Variants in DNM2 observed in about 807,000 individuals in gnomAD.
DNM2 encodes dynamin-2.
DNM2 carries 15 observed loss-of-function variants against 99.0 expected under a neutral mutation model. That is an observed-to-expected ratio of 0.15 (90% CI 0.10 to 0.23). DNM2 has a LOEUF of 0.23. Ranked by LOEUF, DNM2 falls within the 10% of genes least tolerant of loss-of-function variation. The pLI, the probability that DNM2 is intolerant of heterozygous loss-of-function variation, is 1.00. For missense variants in DNM2, 742 were observed against 1,189.4 expected (o/e 0.62, Z 5.53); for synonymous variants, 525 against 481.2 (o/e 1.09, Z -1.19).
rs145594246 is a variant in DNM2, at chr19:10,786,389, C to G, written c.850-175C>G. 3.5e-5 allele frequency: 38 copies of G among 1,085,490 alleles called. No homozygotes were observed. The East Asian group carries it at 5.6e-4, about 16-fold the overall frequency. 67.2% of individuals were successfully genotyped at this position (1,085,490 alleles called of 1,614,324 possible). The stretch of plus-strand genomic sequence containing the variant: ...GGGCAGCTCCGTGCCGTCTCCGTTC[C>G]CAGACATGAGTGTGTCTGTGGCTTG... On this transcript the variant is annotated intron_variant, in intron 6 of 20. Transcript: ENST00000389253.
intron 1 of DNM2, among the ~76,000 whole-genome samples, chr19:10,735,639 G>A (rs2069496440): frequency 6.6e-6 from 1 of 151,440 alleles, no homozygotes; most frequent in Admixed American, 6.6e-5. Context: ...TCAGCCGCTT[G>A]AGCAGCTGAG....
At chr19:10,828,383 C>T (rs12462282) in intron 18 of DNM2, among the ~76,000 whole-genome samples, 5,601 of 151,550 alleles carry the variant, frequency 0.037, 446 homozygotes, top group East Asian at 0.36. Context: ...GTCAGGAGAT[C>T]GAGACCATCC....
At position 10,812,511 on chromosome 19, in the gene DNM2, G is replaced by A. The variant is rs540691472; in HGVS notation, c.1671+134G>A. On this transcript the variant is annotated intron_variant, in intron 15 of 20. Coordinates refer to ENST00000389253, the MANE Select transcript of DNM2 (RefSeq NM_001005361.3). This position sits in a 1 kb window ranked among gnomAD's most constrained non-coding sequence, Gnocchi z 4.0. The stretch of plus-strand genomic sequence containing the variant: ...GTCACCATTAGGACTGTAACTCGCC[G>A]GGCACGGTGGCTCCCGCCTGTAATC... The A allele has an allele frequency of 1.2e-4, 78 of 671,010 alleles. No individual in the cohort carries two copies. The highest frequency in any genetic ancestry group is 1.1e-3 in the African/African-American group (63 of 55,862). The allele number at this position is 671,010 out of a possible 1,614,324, so 41.6% of individuals were successfully genotyped here. A position where few individuals can be genotyped will look rare whatever the true frequency, so the allele number is the denominator to read the frequency against.
rs1457569485 is a variant in DNM2, at chr19:10,795,354, T to C, written c.1129-18T>C. On this transcript the variant is annotated intron_variant, in intron 8 of 20. Transcript: ENST00000389253. This position sits in a 1 kb window ranked among gnomAD's most constrained non-coding sequence, Gnocchi z 4.2. ...CCCCGGGTGCCTCCATGCATGTGCT[T>C]GGTTTGTCTCTTCTCAGATGGAGTT... 1 of 1,613,966 alleles carries C rather than the reference T, an allele frequency of 6.2e-7. No individual in the cohort carries two copies. The highest frequency in any genetic ancestry group is 1.3e-5 in the African/African-American group (1 of 74,924).
At chr19:10,797,243 C>T (rs370718314) in intron 9 of DNM2, 137 bp from the exon 10 acceptor site, 24 of 1,294,884 alleles carry the variant, frequency 1.9e-5, no homozygotes, top group Middle Eastern at 2.6e-4. Flanking sequence ...GGGGCAAATG[C>T]GGGCGCAGGC....
At chr19:10,770,782 C>T (rs151236401) in intron 2 of DNM2, among the ~76,000 whole-genome samples, 3,067 of 152,146 alleles carry the variant, frequency 0.02, 56 homozygotes, top group Admixed American at 0.033. Context: ...TTCTCTATCA[C>T]GAGAATAGCA....
intron 1 of DNM2, among the ~76,000 whole-genome samples, chr19:10,750,542 G>A (rs1006574038): frequency 6.6e-6 from 1 of 152,100 alleles, no homozygotes; most frequent in African/African-American, 2.4e-5. Flanking sequence ...TCAGGAGGCC[G>A]AGACTGAGGT....
intron 15 of DNM2, among the ~76,000 whole-genome samples, chr19:10,814,696 C>T (rs1051646412): frequency 6.6e-6 from 1 of 151,990 alleles, no homozygotes; most frequent in Non-Finnish European, 1.5e-5. Context: ...TTTTTTAGCT[C>T]CCACGTATGA....
intron 1 of DNM2, among the ~76,000 whole-genome samples, chr19:10,733,135 C>T (rs541485717): frequency 7.3e-5 from 11 of 151,186 alleles, no homozygotes; most frequent in South Asian, 6.3e-4. Flanking sequence ...CCACCCTCCT[C>T]GGCCTCCCAA....
At chr19:10,739,911 G>T (rs1280373235) in intron 1 of DNM2, among the ~76,000 whole-genome samples, 1 of 150,862 alleles carries the variant, frequency 6.6e-6, no homozygotes, top group East Asian at 1.9e-4. Context: ...AAGCCACCTG[G>T]GCCTGGACTT....
At chr19:10,724,546 AC>A (rs2145673963) in intron 1 of DNM2, among the ~76,000 whole-genome samples, 1 of 152,238 alleles carries the variant, frequency 6.6e-6, no homozygotes, top group South Asian at 2.1e-4. Context: ...CGAGGAAGGA[AC>A]CCCTGGAGAC....
chr19:10,735,600 G>A (rs1423318756), intron 1 of DNM2, among the ~76,000 whole-genome samples: 2 of 151,714 alleles, frequency 1.3e-5, no homozygotes, highest in Non-Finnish European at 1.5e-5. Flanking sequence ...TGCGACCTCC[G>A]CCTCCCGGAT....
At chr19:10,743,942 C>T (rs897129343) in intron 1 of DNM2, among the ~76,000 whole-genome samples, 3 of 150,334 alleles carry the variant, frequency 2.0e-5, no homozygotes, top group African/African-American at 4.9e-5. Context: ...GCCAAGATCA[C>T]GCCATTGCAC....
At position 10,718,299 on chromosome 19, in the gene DNM2, C is replaced by T. The variant is rs1599402522; in HGVS notation, c.57C>T (p.Ala19=). The part of the protein sequence containing the change: ...LIPLVNKLQD[A]FSSIGQSCHL... ...CGCTGGTCAACAAACTGCAGGACGC[C>T]TTCAGCTCCATCGGCCAGAGCTGCC... The change falls in exon 1 of 21, where the codon GCC becomes GCT. Residue 19 remains alanine, a synonymous_variant. Transcript: ENST00000389253. 13 of 1,507,762 alleles carry T rather than the reference C, an allele frequency of 8.6e-6. No homozygotes were observed. The highest frequency in any genetic ancestry group is 2.2e-5 in the Admixed American group (1 of 45,470). The allele number at this position is 1,507,762 out of a possible 1,614,324, so 93.4% of individuals were successfully genotyped here.
In DNM2 at chr19:10,795,413, T is replaced by C. The variant is rs765373844; in HGVS notation, c.1170T>C (p.Tyr390=). 6.2e-7 allele frequency: 1 copy of C among 1,614,162 alleles called. No homozygotes were observed. Among genetic ancestry groups the C allele is most frequent in the Non-Finnish European group, 8.5e-7 (1 of 1,180,022 alleles). The change falls in exon 9 of 21, where the codon TAT becomes TAC. Residue 390 remains tyrosine, a synonymous_variant. Transcript: ENST00000389253. This position sits in a 1 kb window ranked among gnomAD's most constrained non-coding sequence, Gnocchi z 4.2. Reference sequence around the variant, plus strand: ...AGGACTTACGACGGGAGATCAGCTATGCCATTAAGAACATCCATGGAGTCA... The same window carrying C: ...AGGACTTACGACGGGAGATCAGCTACGCCATTAAGAACATCCATGGAGTCA... ...DEKDLRREIS[Y]AIKNIHGVRT... is the part of the protein sequence containing the mutation.
intron 1 of DNM2, among the ~76,000 whole-genome samples, chr19:10,722,149 G>C (rs981364265): frequency 5.3e-5 from 8 of 152,152 alleles, no homozygotes; most frequent in African/African-American, 1.7e-4. Context: ...ACCTGGCGTT[G>C]CTGAGCCTTT....
At chr19:10,793,557 T>C (rs2071826954) in intron 7 of DNM2, among the ~76,000 whole-genome samples, 163 bp from the exon 8 acceptor site, 1 of 152,178 alleles carries the variant, frequency 6.6e-6, no homozygotes, top group Non-Finnish European at 1.5e-5. Flanking sequence ...GCATTTGCCA[T>C]TGGGAGCTCT....
chr19:10,773,169 A>G (rs2071037756), intron 3 of DNM2, among the ~76,000 whole-genome samples: 1 of 120,232 alleles, frequency 8.3e-6, no homozygotes, highest in South Asian at 2.6e-4. Context: ...TTTTTTTGAG[A>G]TGGAGTCTCG....
intron 5 of DNM2, among the ~76,000 whole-genome samples, chr19:10,779,498 C>CTTTTTTTTTTTTTTTTT (rs1227116160): frequency 1.8e-5 from 1 of 54,458 alleles, no homozygotes; most frequent in Non-Finnish European, 3.6e-5. Context: ...TTCTTTCTTT[C>CTTTTTTTTTTTTTTTTT]TTTCTTTTTT....
Sources: allele counts gnomAD v4.1 joint callset (sites outside exome capture counted in the v4.1 genomes callset), GRCh38; gene constraint gnomAD v4.1.1; non-coding constraint Gnocchi (gnomAD v3.1); transcripts MANE v1.5; gene names NCBI Gene and HGNC (gene_info 2026-07-23, HGNC 2026-07-21).